Variants in SCAPER observed in about 807,000 individuals in gnomAD.
SCAPER encodes S-phase cyclin A associated protein in the ER, also known as S phase cyclin A-associated protein in the endoplasmic reticulum.
A neutral mutation model predicts 182.2 loss-of-function variants in SCAPER; 98 were observed. The ratio of observed to expected loss-of-function variants is 0.54; its 90% confidence interval spans 0.46 to 0.64. The LOEUF (loss-of-function observed/expected upper bound fraction) is 0.64, where lower values mean the gene tolerates loss of function less well. Ranked by LOEUF, SCAPER falls within the 30% of genes least tolerant of loss-of-function variation. The pLI, the probability that SCAPER is intolerant of heterozygous loss-of-function variation, is 0.00. For missense variants in SCAPER, 1,432 were observed against 1,690.0 expected (o/e 0.85, Z 2.68); for synonymous variants, 605 against 564.6 (o/e 1.07, Z -1.01).
chr15:76,503,242 A>G (rs571743356), intron 24 of SCAPER, among the ~76,000 whole-genome samples: 1 of 152,132 alleles, frequency 6.6e-6, no homozygotes, highest in Admixed American at 6.6e-5. Context: ...CTCCCTGCCA[A>G]TTAACATACA....
intron 25 of SCAPER, among the ~76,000 whole-genome samples, chr15:76,434,792 C>T (rs908412162): frequency 5.3e-5 from 8 of 152,134 alleles, no homozygotes; most frequent in Non-Finnish European, 1.0e-4. Context: ...CAAAATAGTT[C>T]TTTCCCTAGT....
At chr15:76,694,245 T>C (rs1388269394) in intron 20 of SCAPER, among the ~76,000 whole-genome samples, 2 of 152,180 alleles carry the variant, frequency 1.3e-5, no homozygotes, top group African/African-American at 4.8e-5. Flanking sequence ...CTTCATTTAT[T>C]TGTATCTTCT....
intron 14 of SCAPER, among the ~76,000 whole-genome samples, chr15:76,758,762 A>G (rs1470217292): frequency 3.3e-5 from 5 of 152,286 alleles, no homozygotes; most frequent in Non-Finnish European, 7.4e-5. Context: ...ATTTTCTTTC[A>G]TAAATTTATA....
chr15:76,414,074 T>C (rs1409934110), intron 26 of SCAPER, among the ~76,000 whole-genome samples: 3 of 152,204 alleles, frequency 2.0e-5, no homozygotes, highest in African/African-American at 7.2e-5. Context: ...ATTGCTGAAT[T>C]TAATTGCTAC....
chr15:76,611,939 T>C (rs2051037150), intron 22 of SCAPER, among the ~76,000 whole-genome samples: 2 of 152,162 alleles, frequency 1.3e-5, no homozygotes. Context: ...TGGAGGAATA[T>C]ACCTCAAAAT....
chr15:76,416,364 T>C (rs28646074), intron 26 of SCAPER, among the ~76,000 whole-genome samples: 7,632 of 151,242 alleles, frequency 0.05, 581 homozygotes, highest in African/African-American at 0.16. Flanking sequence ...TGGCACATGC[T>C]TGTAATCCCA....
At chr15:76,660,157 A>G (rs1201491238) in intron 21 of SCAPER, among the ~76,000 whole-genome samples, 1 of 152,188 alleles carries the variant, frequency 6.6e-6, no homozygotes. Context: ...ACCAAATACT[A>G]CATGTTCTCA....
chr15:76,891,467 T>A (rs934816770), intron 1 of SCAPER, among the ~76,000 whole-genome samples: 6 of 152,188 alleles, frequency 3.9e-5, no homozygotes, highest in African/African-American at 1.4e-4. Context: ...GCAACTTCAG[T>A]AACGTCTCAG....
intron 22 of SCAPER, among the ~76,000 whole-genome samples, chr15:76,607,466 A>ATTTCC (rs2050538209): frequency 6.6e-6 from 1 of 152,006 alleles, no homozygotes; most frequent in Admixed American, 6.5e-5. Flanking sequence ...CCTTCATTTC[A>ATTTCC]ACTTTGGTGA....
At chr15:76,711,659 G>C (rs1567879412) in intron 17 of SCAPER, among the ~76,000 whole-genome samples, 2 of 152,122 alleles carry the variant, frequency 1.3e-5, no homozygotes, top group Admixed American at 6.5e-5. Context: ...TCTCATTGTG[G>C]TTTTGATTTG....
At chr15:76,716,695 T>G (rs1390469827) in intron 17 of SCAPER, among the ~76,000 whole-genome samples, 2 of 151,126 alleles carry the variant, frequency 1.3e-5, no homozygotes, top group Non-Finnish European at 2.9e-5. Flanking sequence ...AACAGCAGAC[T>G]AGATCAAGCA....
At chr15:76,615,482 CACACACACAG>C (rs1454092786) in intron 22 of SCAPER, among the ~76,000 whole-genome samples, 1 of 114,978 alleles carries the variant, frequency 8.7e-6, no homozygotes, top group East Asian at 2.8e-4. Context: ...TATACATACA[CACACACACAG>C]ACACACACAC....
At position 76,814,080 on chromosome 15, in the gene SCAPER, A is replaced by T. The variant is rs1176998793; in HGVS notation, c.394-9447T>A. ...ATACCCGGGAGGCTGAGGCAGAAGA[A>T]TTGTTTGAACCCGGGAGGCAGAGGC... is the stretch of plus-strand genomic sequence containing the variant. On this transcript the variant is annotated intron_variant, in intron 5 of 31. Transcript: ENST00000563290. 2.0e-5 allele frequency among the ~76,000 whole-genome samples: 3 copies of T among 152,226 alleles called. No homozygotes were observed. The East Asian group carries it at 5.8e-4, about 29-fold the overall frequency.
Position 76,347,950 on chromosome 15 carries a change from ATG to A in SCAPER, c.*681_*682del, listed in dbSNP as rs1385419145. Reference sequence around the variant, plus strand: ...TTCAGCGTTGCTTCATTTCACAACCATGTGAGAAAATACTCTAGGGTGATTCA... The same window carrying A: ...TTCAGCGTTGCTTCATTTCACAACCATGAGAAAATACTCTAGGGTGATTCA... On this transcript the variant is annotated 3_prime_UTR_variant, in exon 32 of 32. Coordinates refer to ENST00000563290, the MANE Select transcript of SCAPER (RefSeq NM_020843.4). The A allele has an allele frequency of 1.3e-5, 2 of 152,222 alleles. No individual in the cohort carries two copies. Among genetic ancestry groups the A allele is most frequent in the Admixed American group, 1.3e-4 (2 of 15,282 alleles). 9.4% of individuals were successfully genotyped at this position (152,222 alleles called of 1,614,324 possible).
chr15:76,894,036 C>T (rs908724508), intron 1 of SCAPER, among the ~76,000 whole-genome samples: 25 of 151,946 alleles, frequency 1.6e-4, no homozygotes, highest in African/African-American at 4.8e-4. Flanking sequence ...GGATCACCTG[C>T]GGTCAGGAGT....
chr15:76,738,571 G>A (rs1329310933), intron 15 of SCAPER, among the ~76,000 whole-genome samples: 1 of 150,878 alleles, frequency 6.6e-6, no homozygotes, highest in Non-Finnish European at 1.5e-5. Context: ...GGAGGACACT[G>A]TATGGTTATC....
chr15:76,627,540 G>A (rs1373695241), intron 21 of SCAPER, among the ~76,000 whole-genome samples: 6 of 152,070 alleles, frequency 3.9e-5, no homozygotes, highest in Non-Finnish European at 8.8e-5. Flanking sequence ...GAGAGCATGT[G>A]GTATTTGGTT....
intron 5 of SCAPER, among the ~76,000 whole-genome samples, chr15:76,821,230 G>A (rs759113264): frequency 6.6e-5 from 10 of 152,210 alleles, no homozygotes; most frequent in Non-Finnish European, 1.2e-4. Flanking sequence ...CCACCAAGAC[G>A]TTCTTCAGTA....
intron 21 of SCAPER, among the ~76,000 whole-genome samples, chr15:76,636,338 T>C (rs2053599888): frequency 6.6e-6 from 1 of 152,144 alleles, no homozygotes; most frequent in Non-Finnish European, 1.5e-5. Context: ...ACAAAGCCCT[T>C]ATTCCCTAGA....
Sources: allele counts gnomAD v4.1 joint callset (sites outside exome capture counted in the v4.1 genomes callset), GRCh38; gene constraint gnomAD v4.1.1; transcripts MANE v1.5; gene names NCBI Gene and HGNC (gene_info 2026-07-23, HGNC 2026-07-21).